The following CFAP251 variants were observed in gnomAD, a reference collection of about 807,000 sequenced individuals.
CFAP251 encodes the protein cilia- and flagella-associated protein 251.
A neutral mutation model predicts 126.7 loss-of-function variants in CFAP251; 93 were observed. That is an observed-to-expected ratio of 0.73 (90% CI 0.62 to 0.87). The LOEUF (loss-of-function observed/expected upper bound fraction) is 0.87, where lower values mean the gene tolerates loss of function less well. Among genes scored for constraint, CFAP251 ranks in the 40% least tolerant of loss-of-function variants. The pLI is 0.00. For synonymous variants in CFAP251, 503 were observed against 506.9 expected (o/e 0.99, Z 0.10); for missense variants, 1,287 against 1,389.2 (o/e 0.93, Z 1.17).
At chr12:121,922,587 A>G (rs1880230720) in intron 2 of CFAP251, among the ~76,000 whole-genome samples, 1 of 152,132 alleles carries the variant, frequency 6.6e-6, no homozygotes, top group Non-Finnish European at 1.5e-5. Flanking sequence ...GTATGATAAT[A>G]GGAGTGTAGG....
At chr12:121,986,583 G>C (rs947249570) in intron 19 of CFAP251, among the ~76,000 whole-genome samples, 2 of 151,388 alleles carry the variant, frequency 1.3e-5, no homozygotes, top group African/African-American at 4.8e-5. Flanking sequence ...ACAGATGTGA[G>C]CCACCGCGCC....
At chr12:121,927,378 C>T (rs1880461294) in intron 3 of CFAP251, among the ~76,000 whole-genome samples, 1 of 152,028 alleles carries the variant, frequency 6.6e-6, no homozygotes, top group Non-Finnish European at 1.5e-5. Context: ...CTCTCTGCAA[C>T]CTCTGCCTCC....
At chr12:121,970,509 C>T (rs949585186) in intron 17 of CFAP251, among the ~76,000 whole-genome samples, 1 of 152,234 alleles carries the variant, frequency 6.6e-6, no homozygotes, top group African/African-American at 2.4e-5. Flanking sequence ...TCCTCCTCCT[C>T]ATCCAGGGAG....
intron 20 of CFAP251, among the ~76,000 whole-genome samples, chr12:122,000,619 A>G (rs1883128027): frequency 6.6e-6 from 1 of 152,124 alleles, no homozygotes; most frequent in Admixed American, 6.5e-5. Context: ...GTGAAATGCA[A>G]CCACACCAAA....
chr12:121,925,194 C>G (rs1344656979), intron 3 of CFAP251, among the ~76,000 whole-genome samples: 1 of 152,166 alleles, frequency 6.6e-6, no homozygotes, highest in Non-Finnish European at 1.5e-5. Context: ...GTGAAAAGCC[C>G]CAGGCAGTCC....
chr12:121,957,436 G>A (rs929458318), intron 11 of CFAP251, among the ~76,000 whole-genome samples, 168 bp downstream of exon 11: 26 of 152,194 alleles, frequency 1.7e-4, no homozygotes, highest in Admixed American at 6.5e-4. Context: ...CGGGCGTGGT[G>A]GCTCACGCCT....
At chr12:121,958,733 C>T (rs1362599737) in intron 12 of CFAP251, among the ~76,000 whole-genome samples, 7 of 152,108 alleles carry the variant, frequency 4.6e-5, no homozygotes, top group Admixed American at 4.6e-4. Flanking sequence ...GAGGCGCCTT[C>T]TCTCTGGGGC....
chr12:121,987,111 C>A (rs1184739157), intron 19 of CFAP251, among the ~76,000 whole-genome samples: 3 of 152,144 alleles, frequency 2.0e-5, no homozygotes, highest in Non-Finnish European at 4.4e-5. Flanking sequence ...AGCACAGGGA[C>A]AATTTCTGTT....
At chr12:121,977,921 T>C (rs898978738) in intron 19 of CFAP251, among the ~76,000 whole-genome samples, 2 of 133,152 alleles carry the variant, frequency 1.5e-5, no homozygotes, top group Admixed American at 7.5e-5. Flanking sequence ...ATTGCGCCAC[T>C]GCACTCCAGC....
chr12:121,945,533 T>C (rs565305833), intron 7 of CFAP251, among the ~76,000 whole-genome samples: 12 of 149,330 alleles, frequency 8.0e-5, no homozygotes, highest in East Asian at 4.1e-4. Flanking sequence ...TTAGTACAGA[T>C]GGGGTTTCAC....
At chr12:121,947,500 C>G in intron 7 of CFAP251, among the ~76,000 whole-genome samples, 1 of 151,728 alleles carries the variant, frequency 6.6e-6, no homozygotes, top group African/African-American at 2.4e-5. Context: ...GGGTCTTGCT[C>G]TGTTGCCCAG....
At chr12:121,979,856 G>A (rs977547841) in intron 19 of CFAP251, among the ~76,000 whole-genome samples, 2 of 152,116 alleles carry the variant, frequency 1.3e-5, no homozygotes, top group Admixed American at 6.5e-5. Flanking sequence ...GTGAGCCACC[G>A]TGCCCGGCCT....
intron 19 of CFAP251, among the ~76,000 whole-genome samples, chr12:121,995,512 CT>C (rs919467553): frequency 5.4e-5 from 8 of 147,862 alleles, no homozygotes; most frequent in Non-Finnish European, 4.5e-5. Flanking sequence ...GGAATCTTGC[CT>C]TTTTTTTTTG....
chr12:121,968,044 T>A lies in CFAP251; in HGVS notation c.2646T>A (p.His882Gln), dbSNP rs566586594. The change falls in exon 17 of 22, where the codon CAT becomes CAA. Residue 882 changes from histidine to glutamine, a missense_variant. His to Gln is a conservative substitution (Grantham distance 24). Coordinates refer to ENST00000288912, the MANE Select transcript of CFAP251 (RefSeq NM_144668.6). Reference protein sequence around the residue: ...LQILPVDGNPHKTSAIVCHPN... With the variant: ...LQILPVDGNPQKTSAIVCHPN... The stretch of plus-strand genomic sequence containing the variant: ...TCTTACCAGTTGACGGCAATCCACA[T>A]AAGACATCTGCTATTGTTTGCCACC... 2 of 1,612,916 alleles carry A rather than the reference T, an allele frequency of 1.2e-6. No individual in the cohort carries two copies. The highest frequency in any genetic ancestry group is 1.7e-5 in the Admixed American group (1 of 59,980).
At chr12:121,990,377 C>T (rs1302246782) in intron 19 of CFAP251, among the ~76,000 whole-genome samples, 3 of 152,186 alleles carry the variant, frequency 2.0e-5, no homozygotes, top group Non-Finnish European at 4.4e-5. Context: ...GGGTGAGATC[C>T]CCATGGGCCC....
chr12:121,999,935 G>A lies in CFAP251; in HGVS notation c.3226G>A (p.Val1076Ile), dbSNP rs781099989. Reference sequence around the variant, plus strand: ...AAGAGAGGACTTCCTGAGACTGCTCGTTACTAAAGGTAAGCACATACATCA... The same window carrying A: ...AAGAGAGGACTTCCTGAGACTGCTCATTACTAAAGGTAAGCACATACATCA... ...IRREDFLRLL[V>I]TKGEHMTEEE... is the part of the protein sequence containing the mutation. The change falls in exon 20 of 22, where the codon GTT becomes ATT. Residue 1076 changes from valine (V) to isoleucine (I), a missense_variant. Physicochemically the swap from Val to Ile is conservative, Grantham distance 29. Coordinates refer to ENST00000288912, the MANE Select transcript of CFAP251 (RefSeq NM_144668.6). The A allele has an allele frequency of 9.9e-6, 16 of 1,611,770 alleles. No individual in the cohort carries two copies. The highest frequency in any genetic ancestry group is 3.3e-5 in the South Asian group (3 of 91,040).
chr12:121,960,467 C>T lies in CFAP251; in HGVS notation c.2134-118C>T, dbSNP rs1239227565. 2.7e-6 allele frequency: 3 copies of T among 1,105,568 alleles called. No homozygotes were observed. The Admixed American group carries it at 6.4e-5, about 24-fold the overall frequency. 68.5% of individuals were successfully genotyped at this position (1,105,568 alleles called of 1,614,324 possible). A position where few individuals can be genotyped will look rare whatever the true frequency, so the allele number is the denominator to read the frequency against. ...TCCCGACCTCAGGTGATCCACCCGCCTCGGCCTCCCAAAGTGCTGGGATTA... is the reference window on the plus strand; with the variant it reads ...TCCCGACCTCAGGTGATCCACCCGCTTCGGCCTCCCAAAGTGCTGGGATTA... On this transcript the variant is annotated intron_variant, in intron 13 of 21. Transcript: ENST00000288912.
chr12:121,974,330 T>G lies in CFAP251; in HGVS notation c.2772-914T>G, dbSNP rs1882405049. On this transcript the variant is annotated intron_variant, in intron 17 of 21. Transcript: ENST00000288912. This position sits in a 1 kb window ranked among gnomAD's most constrained non-coding sequence, Gnocchi z 4.6. The stretch of plus-strand genomic sequence containing the variant: ...AATTGCCCAGTCTCGGGTATGTTTT[T>G]ATCAGCAGCATGAAAACAGACTAGA... 6.6e-6 allele frequency among the ~76,000 whole-genome samples: 1 copy of G among 152,220 alleles called. No homozygotes were observed. Among genetic ancestry groups the G allele is most frequent in the Non-Finnish European group, 1.5e-5 (1 of 68,028 alleles).
At chr12:121,968,533 C>T in intron 17 of CFAP251, among the ~76,000 whole-genome samples, 1 of 131,330 alleles carries the variant, frequency 7.6e-6, no homozygotes, top group East Asian at 1.9e-4. Flanking sequence ...ATTTTCGGCT[C>T]CTCTTCTCAC....
Sources: allele counts gnomAD v4.1 joint callset (sites outside exome capture counted in the v4.1 genomes callset), GRCh38; gene constraint gnomAD v4.1.1; non-coding constraint Gnocchi (gnomAD v3.1); transcripts MANE v1.5; gene names NCBI Gene and HGNC (gene_info 2026-07-23, HGNC 2026-07-21).